GLTPD2: variants seen among roughly 807,000 people sequenced by gnomAD.
GLTPD2 encodes the protein glycolipid transfer protein domain containing 2.
A neutral mutation model predicts 12.9 loss-of-function variants in GLTPD2; 12 were observed. The observed-to-expected ratio is 0.93, with a 90% CI of 0.59 to 1.50. The LOEUF (loss-of-function observed/expected upper bound fraction) is 1.50. GLTPD2 is among the 40% of genes most tolerant of loss of function. The pLI, the probability that GLTPD2 is intolerant of heterozygous loss-of-function variation, is 0.00. For synonymous variants in GLTPD2, 199 were observed against 205.6 expected (o/e 0.97, Z 0.27); for missense variants, 450 against 426.2 (o/e 1.06, Z -0.49).
rs1255507461 is a variant in GLTPD2 at position 4,789,670 on chromosome 17, C to T, written c.331C>T (p.Leu111Phe). The change falls in exon 3 of 4, where the codon CTC (leucine) becomes TTC (phenylalanine). Residue 111 changes from leucine to phenylalanine, a missense_variant. By Grantham distance (22) the Leu-to-Phe change is conservative. Transcript: ENST00000331264. ...GCCGTACCTGGCGGGATGGAGGGCACTCGTCGAGTGAGTGGCCTCCCGCCC... is the reference window on the plus strand; with the variant it reads ...GCCGTACCTGGCGGGATGGAGGGCATTCGTCGAGTGAGTGGCCTCCCGCCC... ...LSPYLAGWRA[L>F]VEFLTPLGSV... 1 of 1,612,542 alleles carries T rather than the reference C, an allele frequency of 6.2e-7. No individual in the cohort carries two copies. Among genetic ancestry groups the T allele is most frequent in the South Asian group, 1.1e-5 (1 of 90,968 alleles).
rs750635969 is a variant in GLTPD2, at chr17:4,789,929, C to T, written c.509C>T (p.Ala170Val). 3.1e-4 allele frequency: 474 copies of T among 1,538,660 alleles called. 2 individuals are homozygous for T. Among genetic ancestry groups the T allele is most frequent in the Middle Eastern group, 6.5e-4 (3 of 4,640 alleles). Residue 170 changes from alanine to valine, a missense_variant, in exon 4 of 4, where the codon GCC becomes GTC. Ala to Val is a moderately conservative substitution (Grantham distance 64). Transcript: ENST00000331264. ...GGACTGCTGGAGCAGCCGGGGGCGGCCCCCCGGGACCCGACCCGGAGCTCG... is the reference window on the plus strand; with the variant it reads ...GGACTGCTGGAGCAGCCGGGGGCGGTCCCCCGGGACCCGACCCGGAGCTCG... ...RAGLLEQPGA[A>V]PRDPTRSSGS...
In GLTPD2 at chr17:4,790,465, C is replaced by T; in HGVS notation, c.*169C>T. The T allele has an allele frequency of 2.1e-6, 1 of 470,696 alleles. No homozygotes were observed. Among genetic ancestry groups the T allele is most frequent in the Non-Finnish European group, 3.5e-6 (1 of 282,380 alleles). 29.2% of individuals were successfully genotyped at this position (470,696 alleles called of 1,614,324 possible). ...GGCAGGGAATGGCGTTGAGCTCCCT[C>T]TGTCCGCAGTCTCGGAAAGACGGGA... On this transcript the variant is annotated 3_prime_UTR_variant, in exon 4 of 4. Transcript: ENST00000331264.
At position 4,789,847 on chromosome 17, in the gene GLTPD2, C is replaced by G. The variant is rs1177932336; in HGVS notation, c.427C>G (p.Pro143Ala). The stretch of plus-strand genomic sequence containing the variant: ...AGACCTGGAGGCTCGGGTGCACGGC[C>G]CGGACGCGGAGCACTACTGGTCGCT... Reference protein sequence around the residue: ...VTDLEARVHGPDAEHYWSLVA... With the variant: ...VTDLEARVHGADAEHYWSLVA... The change falls in exon 4 of 4, where the codon CCG (proline) becomes GCG (alanine). Residue 143 changes from proline to alanine, a missense_variant. Physicochemically the swap from Pro to Ala is conservative, Grantham distance 27. Transcript: ENST00000331264. The G allele has an allele frequency of 6.2e-7, 1 of 1,604,986 alleles. No homozygotes were observed. The highest frequency in any genetic ancestry group is 8.5e-7 in the Non-Finnish European group (1 of 1,176,384).
chr17:4,789,991 C>T lies in GLTPD2; in HGVS notation c.571C>T (p.Arg191Cys). Residue 191 changes from arginine (R) to cysteine (C), a missense_variant, in exon 4 of 4, where the codon CGC becomes TGC. By Grantham distance (180) the Arg-to-Cys change is radical. Coordinates refer to ENST00000331264, the MANE Select transcript of GLTPD2 (RefSeq NM_001014985.3). ...GCTGCTCCTGCTGCACCGCGCGCTG[C>T]GCTGGTCCCAGCTCTGCCTCCACCG... Reference protein sequence around the residue: ...RTLLLLHRALRWSQLCLHRVA... With the variant: ...RTLLLLHRALCWSQLCLHRVA... The T allele has an allele frequency of 6.6e-7, 1 of 1,512,132 alleles. No homozygotes were observed. The highest frequency in any genetic ancestry group is 8.8e-7 in the Non-Finnish European group (1 of 1,137,250). The allele number at this position is 1,512,132 out of a possible 1,614,324, so 93.7% of individuals were successfully genotyped here.
At position 4,789,560 on chromosome 17, in the gene GLTPD2, C is replaced by T; in HGVS notation, c.221C>T (p.Pro74Leu). 6.2e-7 allele frequency: 1 copy of T among 1,614,072 alleles called. No individual in the cohort carries two copies. Residue 74 changes from proline to leucine, a missense_variant, in exon 3 of 4, where the codon CCG becomes CTG. Physicochemically the swap from Pro to Leu is moderately conservative, Grantham distance 98 (BLOSUM62 -3). Coordinates refer to ENST00000331264, the MANE Select transcript of GLTPD2 (RefSeq NM_001014985.3). ...GAGGCCCCGGAGAGGAAACAGCCTC[C>T]GTGTCTGGGCCCTCGGGGGATGCTG... ...TLEAPERKQP[P>L]CLGPRGMLGR...
Position 4,789,782 on chromosome 17 carries a change from T to C in GLTPD2, c.362T>C (p.Val121Ala). 1 of 1,613,202 alleles carries C rather than the reference T, an allele frequency of 6.2e-7. No individual in the cohort carries two copies. The highest frequency in any genetic ancestry group is 8.5e-7 in the Non-Finnish European group (1 of 1,179,632). The change falls in exon 4 of 4, where the codon GTC (valine) becomes GCC (alanine). Residue 121 changes from valine (V) to alanine (A), a missense_variant. Val to Ala is a moderately conservative substitution (Grantham distance 64). Transcript: ENST00000331264. Reference sequence around the variant, plus strand: ...AGGTTCCTGACTCCCCTCGGCTCCGTCTTCGCCTTCGCCACTAGGGAGGCC... The same window carrying C: ...AGGTTCCTGACTCCCCTCGGCTCCGCCTTCGCCTTCGCCACTAGGGAGGCC... ...LVEFLTPLGS[V>A]FAFATREAFT...
rs978513601 is a variant in GLTPD2, at chr17:4,790,361, G to A, written c.*65G>A. ...CCCGGGGTGGGGCCGCGCAGCCCGGGGTCAGTCCTGCAGCCCGCGCCGCGG... is the reference window on the plus strand; with the variant it reads ...CCCGGGGTGGGGCCGCGCAGCCCGGAGTCAGTCCTGCAGCCCGCGCCGCGG... On this transcript the variant is annotated 3_prime_UTR_variant, in exon 4 of 4. Coordinates refer to ENST00000331264, the MANE Select transcript of GLTPD2 (RefSeq NM_001014985.3). The A allele has an allele frequency of 4.6e-6, 6 of 1,310,272 alleles. No individual in the cohort carries two copies. The highest frequency in any genetic ancestry group is 3.2e-5 in the East Asian group (1 of 31,738). 81.2% of individuals were successfully genotyped at this position (1,310,272 alleles called of 1,614,324 possible). A position where few individuals can be genotyped will look rare whatever the true frequency, so the allele number is the denominator to read the frequency against.
rs1168992209 is a variant in GLTPD2, at chr17:4,790,049, C to T, written c.629C>T (p.Ala210Val). The change falls in exon 4 of 4, where the codon GCG (alanine) becomes GTG (valine). Residue 210 changes from alanine (A) to valine (V), a missense_variant. Coordinates refer to ENST00000331264, the MANE Select transcript of GLTPD2 (RefSeq NM_001014985.3). ...VATGALGGPD[A>V]GVQCSDAYRA... Reference sequence around the variant, plus strand: ...ACCGGCGCGCTGGGAGGCCCGGACGCGGGCGTGCAGTGCAGCGACGCCTAC... The same window carrying T: ...ACCGGCGCGCTGGGAGGCCCGGACGTGGGCGTGCAGTGCAGCGACGCCTAC... 1.4e-6 allele frequency: 2 copies of T among 1,424,712 alleles called. No individual in the cohort carries two copies. Among genetic ancestry groups the T allele is most frequent in the Non-Finnish European group, 9.1e-7 (1 of 1,100,138 alleles). 88.3% of individuals were successfully genotyped at this position (1,424,712 alleles called of 1,614,324 possible). A position where few individuals can be genotyped will look rare whatever the true frequency, so the allele number is the denominator to read the frequency against.
chr17:4,789,726 C>G (rs552984485), intron 3 of GLTPD2, 33 bp from the exon 4 acceptor site: 22 of 1,612,900 alleles, frequency 1.4e-5, no homozygotes, highest in Admixed American at 1.7e-5. Context: ...TTGGCGGCTC[C>G]ATCTCCATTC....
In GLTPD2 at chr17:4,789,826, C is replaced by T. The variant is rs1165683966; in HGVS notation, c.406C>T (p.Leu136=). 3 of 1,610,642 alleles carry T rather than the reference C, an allele frequency of 1.9e-6. No homozygotes were observed. The highest frequency in any genetic ancestry group is 1.7e-5 in the Admixed American group (1 of 59,530). Reference sequence around the variant, plus strand: ...GGAGGCCTTCACCAAGGTGACAGACCTGGAGGCTCGGGTGCACGGCCCGGA... The same window carrying T: ...GGAGGCCTTCACCAAGGTGACAGACTTGGAGGCTCGGGTGCACGGCCCGGA... ...TREAFTKVTD[L]EARVHGPDAE... Residue 136 remains leucine, a synonymous_variant, in exon 4 of 4, where the codon CTG becomes TTG. Transcript: ENST00000331264.
rs1294776484 is a variant in GLTPD2 at position 4,790,031 on chromosome 17, C to T, written c.611C>T (p.Ala204Val). The change falls in exon 4 of 4, where the codon GCG becomes GTG. Residue 204 changes from alanine (A) to valine (V), a missense_variant. By Grantham distance (64) the Ala-to-Val change is moderately conservative (BLOSUM62 0). Coordinates refer to ENST00000331264, the MANE Select transcript of GLTPD2 (RefSeq NM_001014985.3). ...QLCLHRVATG[A>V]LGGPDAGVQC... ...TGCCTCCACCGGGTGGCGACCGGCG[C>T]GCTGGGAGGCCCGGACGCGGGCGTG... is the stretch of plus-strand genomic sequence containing the variant. The T allele has an allele frequency of 6.2e-6, 9 of 1,441,734 alleles. No individual in the cohort carries two copies. Among genetic ancestry groups the T allele is most frequent in the Non-Finnish European group, 8.1e-6 (9 of 1,107,304 alleles). The allele number at this position is 1,441,734 out of a possible 1,614,324, so 89.3% of individuals were successfully genotyped here. A position where few individuals can be genotyped will look rare whatever the true frequency, so the allele number is the denominator to read the frequency against.
chr17:4,789,405 C>G (rs565701555), intron 2 of GLTPD2, 106 bp from the exon 3 acceptor site: 2 of 1,511,386 alleles, frequency 1.3e-6, no homozygotes, highest in Admixed American at 1.9e-5. Context: ...TACCCTCTCC[C>G]GTCGGAAGCT....
chr17:4,789,443 A>G, intron 2 of GLTPD2, 68 bp from the exon 3 acceptor site: 6 of 1,558,618 alleles, frequency 3.8e-6, no homozygotes, highest in Non-Finnish European at 4.4e-6. Context: ...GCCGCCAGCT[A>G]AACCTTCGGA....
At position 4,790,057 on chromosome 17, in the gene GLTPD2, C is replaced by A. The variant is rs749220416; in HGVS notation, c.637C>A (p.Gln213Lys). The A allele has an allele frequency of 7.0e-7, 1 of 1,421,990 alleles. No homozygotes were observed. The allele number at this position is 1,421,990 out of a possible 1,614,324, so 88.1% of individuals were successfully genotyped here. ...GCTGGGAGGCCCGGACGCGGGCGTG[C>A]AGTGCAGCGACGCCTACCGTGCGGC... is the stretch of plus-strand genomic sequence containing the variant. ...GALGGPDAGV[Q>K]CSDAYRAALG... The change falls in exon 4 of 4, where the codon CAG becomes AAG. Residue 213 changes from glutamine (Q) to lysine (K), a missense_variant. Coordinates refer to ENST00000331264, the MANE Select transcript of GLTPD2 (RefSeq NM_001014985.3).
In GLTPD2 at chr17:4,790,294, T is replaced by G. The variant is rs1787942874; in HGVS notation, c.874T>G (p.Ter292GluextTer68). 1 of 1,468,954 alleles carries G rather than the reference T, an allele frequency of 6.8e-7. No homozygotes were observed. The highest frequency in any genetic ancestry group is 1.5e-5 in the African/African-American group (1 of 67,978). The allele number at this position is 1,468,954 out of a possible 1,614,324, so 91.0% of individuals were successfully genotyped here. A position where few individuals can be genotyped will look rare whatever the true frequency, so the allele number is the denominator to read the frequency against. Residue 292 changes from the stop codon to glutamate (E), a stop_lost, in exon 4 of 4, where the codon TAA becomes GAA. Transcript: ENST00000331264. ...LAERGLLQLA[*>E] ...CGAGCGCGGCCTGCTCCAGCTGGCC[T>G]AAGACGGCGGCTGCGGGGACCGGCG... is the stretch of plus-strand genomic sequence containing the variant.
chr17:4,789,640 C>A lies in GLTPD2; in HGVS notation c.301C>A (p.Leu101Met). The A allele has an allele frequency of 1.2e-6, 2 of 1,613,750 alleles. No homozygotes were observed. The highest frequency in any genetic ancestry group is 1.7e-6 in the Non-Finnish European group (2 of 1,179,990). Residue 101 changes from leucine (L) to methionine (M), a missense_variant, in exon 3 of 4, where the codon CTG becomes ATG. By Grantham distance (15) the Leu-to-Met change is conservative. Transcript: ENST00000331264. ...TCTGAAACCCGAAGGGGATGTGGGG[C>A]TGTCGCCGTACCTGGCGGGATGGAG... is the stretch of plus-strand genomic sequence containing the variant. ...ASLKPEGDVG[L>M]SPYLAGWRAL...
Position 4,790,003 on chromosome 17 carries a change from C to G in GLTPD2, c.583C>G (p.Leu195Val). Residue 195 changes from leucine (L) to valine (V), a missense_variant, in exon 4 of 4, where the codon CTC (leucine) becomes GTC (valine). Physicochemically the swap from Leu to Val is conservative, Grantham distance 32. Transcript: ENST00000331264. ...LLHRALRWSQ[L>V]CLHRVATGAL... ...GCACCGCGCGCTGCGCTGGTCCCAG[C>G]TCTGCCTCCACCGGGTGGCGACCGG... 3 of 1,485,030 alleles carry G rather than the reference C, an allele frequency of 2.0e-6. No individual in the cohort carries two copies. The highest frequency in any genetic ancestry group is 2.7e-6 in the Non-Finnish European group (3 of 1,126,236). 92.0% of individuals were successfully genotyped at this position (1,485,030 alleles called of 1,614,324 possible).
chr17:4,790,568 G>A lies in GLTPD2; in HGVS notation c.*272G>A, dbSNP rs1003613807. ...TTGTGTGATGACGACAGGCGCTTAA[G>A]GGAAATAAAAAACGAAGGTGAGAAG... is the stretch of plus-strand genomic sequence containing the variant. On this transcript the variant is annotated 3_prime_UTR_variant, in exon 4 of 4. Transcript: ENST00000331264. Among the ~76,000 whole-genome samples the A allele has an allele frequency of 2.0e-5, 3 of 152,228 alleles. No homozygotes were observed. Among genetic ancestry groups the A allele is most frequent in the African/African-American group, 7.2e-5 (3 of 41,464 alleles).
In GLTPD2 at chr17:4,789,682, G is replaced by C. The variant is rs764828881; in HGVS notation, c.338+5G>C. 6.8e-6 allele frequency: 11 copies of C among 1,606,292 alleles called. No individual in the cohort carries two copies. The highest frequency in any genetic ancestry group is 8.5e-6 in the Non-Finnish European group (10 of 1,176,886). The stretch of plus-strand genomic sequence containing the variant: ...GGGATGGAGGGCACTCGTCGAGTGA[G>C]TGGCCTCCCGCCCCCCAGCCGGTCC... On this transcript the variant is annotated splice_donor_5th_base_variant and intron_variant, in intron 3 of 3. Transcript: ENST00000331264.
Sources: allele counts gnomAD v4.1 joint callset (sites outside exome capture counted in the v4.1 genomes callset), GRCh38; gene constraint gnomAD v4.1.1; transcripts MANE v1.5; gene names NCBI Gene and HGNC (gene_info 2026-07-23, HGNC 2026-07-21).